FBN2: variants seen among roughly 807,000 people sequenced by gnomAD.
The protein encoded by FBN2 is fibrillin-2.
In FBN2, 105 loss-of-function variants were observed where a neutral mutation model predicts 355.6. The ratio of observed to expected loss-of-function variants is 0.30; its 90% CI spans 0.25 to 0.35. The LOEUF (loss-of-function observed/expected upper bound fraction) is 0.35. Among genes scored for constraint, FBN2 ranks in the 10% least tolerant of loss-of-function variants. The probability of loss-of-function intolerance (pLI) is 1.00; values close to 1 mark genes in which losing one functional copy is unlikely to be tolerated. For synonymous variants in FBN2, 1,350 were observed against 1,301.2 expected (o/e 1.04, Z -0.81); for missense variants, 3,280 against 3,758.7 (o/e 0.87, Z 3.33).
At chr5:128,514,791 G>A (rs540482285) in intron 5 of FBN2, among the ~76,000 whole-genome samples, 7 of 152,180 alleles carry the variant, frequency 4.6e-5, no homozygotes, top group African/African-American at 1.2e-4. Context: ...TTAGATTCTC[G>A]TCTTTCATCT....
At chr5:128,479,139 C>T (rs1755086102) in intron 5 of FBN2, among the ~76,000 whole-genome samples, 1 of 152,204 alleles carries the variant, frequency 6.6e-6, no homozygotes, top group African/African-American at 2.4e-5. Context: ...GACCGTAACA[C>T]TCAAACTTTC....
rs146997253 is a variant in FBN2, at chr5:128,338,000, C to T, written c.3595G>A (p.Val1199Met). 388 of 1,614,104 alleles carry T rather than the reference C, an allele frequency of 2.4e-4. 1 individual carries two copies. The highest frequency in any genetic ancestry group is 2.1e-5 in the Non-Finnish European group (25 of 1,179,978). The change falls in exon 27 of 65, where the codon GTG becomes ATG. Residue 1199 changes from valine (V) to methionine (M), a missense_variant. By Grantham distance (21) the Val-to-Met change is conservative. Coordinates refer to ENST00000262464, the MANE Select transcript of FBN2 (RefSeq NM_001999.4). Reference sequence around the variant, plus strand: ...TGTGCTGAGGAGATAAACTCACCCACACAGTCCTCACGGGATGGTGACAGC... The same window carrying T: ...TGTGCTGAGGAGATAAACTCACCCATACAGTCCTCACGGGATGGTGACAGC... ...HELSPSREDCVDINECSLSDN... is the reference protein window; with the variant it reads ...HELSPSREDCMDINECSLSDN...
chr5:128,322,688 C>T (rs185186304), intron 34 of FBN2, among the ~76,000 whole-genome samples: 1 of 152,178 alleles, frequency 6.6e-6, no homozygotes, highest in East Asian at 1.9e-4. Context: ...GTTACTGTGG[C>T]CTTGTAGGAT....
At chr5:128,424,927 G>C (rs532202569) in intron 7 of FBN2, among the ~76,000 whole-genome samples, 1 of 151,884 alleles carries the variant, frequency 6.6e-6, no homozygotes, top group Admixed American at 6.6e-5. Flanking sequence ...ATATGAGTTT[G>C]AATATTTGGT....
At chr5:128,452,817 C>A (rs1298253943) in intron 6 of FBN2, among the ~76,000 whole-genome samples, 1 of 152,034 alleles carries the variant, frequency 6.6e-6, no homozygotes, top group Non-Finnish European at 1.5e-5. Context: ...TTCTAGTTAA[C>A]CCATTATCCA....
In FBN2 at chr5:128,327,422, G is replaced by A. The variant is rs560351768; in HGVS notation, c.4471+1274C>T. ...AGGTTGTATAATTTGGTTTTGTTTG[G>A]TTGATGCTGATGAATTGTGTGTTTG... On this transcript the variant is annotated intron_variant, in intron 34 of 64. Coordinates refer to ENST00000262464, the MANE Select transcript of FBN2 (RefSeq NM_001999.4). Among the ~76,000 whole-genome samples the A allele has an allele frequency of 6.5e-4, 99 of 152,188 alleles. 1 individual carries two copies. Among genetic ancestry groups the A allele is most frequent in the African/African-American group, 2.2e-3 (91 of 41,522 alleles).
At chr5:128,367,741 G>A (rs1230706181) in intron 16 of FBN2, among the ~76,000 whole-genome samples, 1 of 151,720 alleles carries the variant, frequency 6.6e-6, no homozygotes, top group African/African-American at 2.4e-5. Flanking sequence ...TTCATATTCA[G>A]GTTTCTAGAT....
intron 5 of FBN2, among the ~76,000 whole-genome samples, chr5:128,474,607 A>G (rs1754960295): frequency 6.6e-6 from 1 of 152,230 alleles, no homozygotes; most frequent in Non-Finnish European, 1.5e-5. Context: ...CTTTGCTGAC[A>G]GAGCCCATGG....
At chr5:128,477,745 A>G (rs577983634) in intron 5 of FBN2, among the ~76,000 whole-genome samples, 69 of 152,316 alleles carry the variant, frequency 4.5e-4, no homozygotes, top group Non-Finnish European at 7.5e-4. Flanking sequence ...ATCTGACACC[A>G]AAATCCATGC....
chr5:128,449,994 A>T (rs1353251807), intron 6 of FBN2, among the ~76,000 whole-genome samples: 2 of 152,160 alleles, frequency 1.3e-5, no homozygotes, highest in Admixed American at 1.3e-4. Flanking sequence ...GATAATGCTA[A>T]CTGTGCATGC....
At chr5:128,474,996 T>C (rs1356595431) in intron 5 of FBN2, among the ~76,000 whole-genome samples, 1 of 152,166 alleles carries the variant, frequency 6.6e-6, no homozygotes, top group Admixed American at 6.5e-5. Flanking sequence ...GGGAAGCTCT[T>C]TCCCAGTTAT....
intron 5 of FBN2, among the ~76,000 whole-genome samples, chr5:128,500,114 T>A (rs565165432): frequency 6.6e-6 from 1 of 152,252 alleles, no homozygotes; most frequent in Admixed American, 6.5e-5. Context: ...TGGCTTTCTG[T>A]GTGACTTTAG....
chr5:128,264,214 T>C (rs769077700), intron 62 of FBN2, among the ~76,000 whole-genome samples: 9 of 152,156 alleles, frequency 5.9e-5, no homozygotes, highest in African/African-American at 1.9e-4. Flanking sequence ...CTATAAGTAT[T>C]TGTATCCATT....
At chr5:128,412,281 T>C in intron 7 of FBN2, among the ~76,000 whole-genome samples, 1 of 152,276 alleles carries the variant, frequency 6.6e-6, no homozygotes, top group East Asian at 1.9e-4. Context: ...GTATTTTGAC[T>C]TGAGCTGCCT....
rs32208 is a variant in FBN2, at chr5:128,286,213, G to T, written c.7012+505C>A. ...GAATGAAATATCTAACAAATGAAAA[G>T]AAACTAAAAAATCCAATTATAATTT... On this transcript the variant is annotated intron_variant, in intron 55 of 64. Transcript: ENST00000262464. Among the ~76,000 whole-genome samples the T allele has an allele frequency of 0.058, 8,775 of 152,094 alleles. 1,088 individuals are homozygous for T. In the East Asian group the frequency reaches 0.6, roughly 10 times the overall value.
In FBN2 at chr5:128,261,831, G is replaced by A. The variant is rs768643863; in HGVS notation, c.8269C>T (p.Leu2757=). 1.2e-6 allele frequency: 2 copies of A among 1,613,990 alleles called. No homozygotes were observed. Among genetic ancestry groups the A allele is most frequent in the East Asian group, 4.5e-5 (2 of 44,888 alleles). The change falls in exon 64 of 65, where the codon CTG becomes TTG. Residue 2757 remains leucine (L), a synonymous_variant. Coordinates refer to ENST00000262464, the MANE Select transcript of FBN2 (RefSeq NM_001999.4). The part of the protein sequence containing the change: ...LDTEVDEENA[L]SPEACYECKI... ...CACTCGTAGCATGCTTCTGGGGACA[G>A]AGCATTTTCCTCATCGACCTCTGTA...
At chr5:128,494,533 G>T (rs924933986) in intron 5 of FBN2, among the ~76,000 whole-genome samples, 91 of 152,070 alleles carry the variant, frequency 6.0e-4, no homozygotes, top group African/African-American at 2.2e-3. Flanking sequence ...TATACCCCAG[G>T]GCATTGTAAA....
chr5:128,307,323 T>A, intron 41 of FBN2, 120 bp from the exon 42 acceptor site: 1 of 721,474 alleles, frequency 1.4e-6, no homozygotes, highest in Admixed American at 2.0e-5. Context: ...CATTTTGATT[T>A]CAATTATATT....
intron 46 of FBN2, among the ~76,000 whole-genome samples, chr5:128,301,922 T>G (rs7704093): frequency 0.047 from 7,144 of 152,196 alleles, 584 homozygotes; most frequent in African/African-American, 0.16. Context: ...AGAGAACAAA[T>G]AAATGAGCTT....
Sources: allele counts gnomAD v4.1 joint callset (sites outside exome capture counted in the v4.1 genomes callset), GRCh38; gene constraint gnomAD v4.1.1; transcripts MANE v1.5; gene names NCBI Gene and HGNC (gene_info 2026-07-23, HGNC 2026-07-21).